Variants in SLIT2 observed in about 807,000 individuals in gnomAD.
The protein encoded by SLIT2 is slit guidance ligand 2, also known as slit homolog 2 protein.
Under a neutral mutation model 185.7 loss-of-function variants are expected in SLIT2, and 41 were observed. That is an observed-to-expected ratio of 0.22 (90% CI 0.17 to 0.29). The LOEUF is 0.29. Among genes scored for constraint, SLIT2 ranks in the 10% least tolerant of loss-of-function variants. SLIT2 has a pLI of 1.00. For synonymous variants in SLIT2, 693 were observed against 680.2 expected (o/e 1.02, Z -0.29); for missense variants, 1,571 against 1,909.0 (o/e 0.82, Z 3.30).
At chr4:20,504,499 A>T (rs1294735174) in intron 9 of SLIT2, among the ~76,000 whole-genome samples, 1 of 152,124 alleles carries the variant, frequency 6.6e-6, no homozygotes, top group African/African-American at 2.4e-5. Context: ...CAAATTACAG[A>T]TAGTGCTATA....
intron 32 of SLIT2, among the ~76,000 whole-genome samples, chr4:20,597,538 G>T (rs1728084138): frequency 6.6e-6 from 1 of 152,128 alleles, no homozygotes; most frequent in Admixed American, 6.5e-5. Context: ...TGTACATGGG[G>T]CAAATTATGT....
chr4:20,408,235 A>G (rs1156681284), intron 4 of SLIT2, among the ~76,000 whole-genome samples: 6 of 152,156 alleles, frequency 3.9e-5, no homozygotes, highest in Admixed American at 3.3e-4. Flanking sequence ...ATCTAGCTCC[A>G]AGGACTCATA....
intron 4 of SLIT2, chr4:20,394,433 A>T (rs570744560): frequency 6.6e-6 from 1 of 152,076 alleles, no homozygotes; most frequent in Admixed American, 6.6e-5. Flanking sequence ...CAGAATAATA[A>T]GATTTTACCC....
intron 25 of SLIT2, among the ~76,000 whole-genome samples, chr4:20,553,379 C>A (rs1723950751): frequency 6.6e-6 from 1 of 152,180 alleles, no homozygotes; most frequent in South Asian, 2.1e-4. Context: ...ATCTCCTCTG[C>A]AGCAGGGGTT....
At chr4:20,618,690 A>C in intron 36 of SLIT2, 78 bp from the exon 37 acceptor site, 1 of 1,420,550 alleles carries the variant, frequency 7.0e-7, no homozygotes, top group Non-Finnish European at 9.5e-7. Flanking sequence ...CTTCTGAATT[A>C]AGTTGTGGAT....
chr4:20,368,341 T>A (rs1335052603), intron 4 of SLIT2, among the ~76,000 whole-genome samples: 1 of 148,712 alleles, frequency 6.7e-6, no homozygotes, highest in African/African-American at 2.5e-5. Context: ...AATAATAAAA[T>A]TTAAAAAAAA....
At chr4:20,531,551 G>T (rs1453143137) in intron 16 of SLIT2, among the ~76,000 whole-genome samples, 2 of 152,138 alleles carry the variant, frequency 1.3e-5, no homozygotes, top group Non-Finnish European at 2.9e-5. Context: ...AGCAAAGATG[G>T]TTCCACAACT....
At chr4:20,574,964 A>C (rs1725967687) in intron 29 of SLIT2, among the ~76,000 whole-genome samples, 1 of 152,174 alleles carries the variant, frequency 6.6e-6, no homozygotes, top group South Asian at 2.1e-4. Flanking sequence ...AGAATGTAAC[A>C]GTATAACATG....
intron 7 of SLIT2, 83 bp from the exon 8 acceptor site, chr4:20,488,736 T>C: frequency 1.0e-6 from 1 of 971,160 alleles, no homozygotes; most frequent in Non-Finnish European, 1.5e-6. Flanking sequence ...TTTATCTACT[T>C]CTATGTTAAG....
chr4:20,518,260 T>A lies in SLIT2; in HGVS notation c.1059-1122T>A, dbSNP rs1366982585. ...GTGTGTATATATATATATATATTTT[T>A]TTTTTTTTTTGAGACAGAGTCTCGC... On this transcript the variant is annotated intron_variant, in intron 11 of 36. Coordinates refer to ENST00000504154, the MANE Select transcript of SLIT2 (RefSeq NM_004787.4). 7.3e-4 allele frequency among the ~76,000 whole-genome samples: 101 copies of A among 138,870 alleles called. 3 individuals carry two copies. The highest frequency in any genetic ancestry group is 2.3e-3 in the African/African-American group (85 of 36,634). The allele number at this position is 138,870 out of a possible 152,430, so 91.1% of individuals were successfully genotyped here.
chr4:20,417,512 ATG>A (rs1230271427), intron 4 of SLIT2, among the ~76,000 whole-genome samples: 2 of 148,224 alleles, frequency 1.3e-5, no homozygotes, highest in Non-Finnish European at 3.0e-5. Context: ...ATATATAGAT[ATG>A]TGTGTGTGTA....
chr4:20,457,199 T>C (rs1044013939), intron 4 of SLIT2, among the ~76,000 whole-genome samples: 1 of 152,044 alleles, frequency 6.6e-6, no homozygotes, highest in Non-Finnish European at 1.5e-5. Context: ...TAGGATACAA[T>C]GATGAATTTT....
At chr4:20,453,020 G>A (rs1577684696) in intron 4 of SLIT2, among the ~76,000 whole-genome samples, 1 of 152,206 alleles carries the variant, frequency 6.6e-6, no homozygotes, top group African/African-American at 2.4e-5. Flanking sequence ...TCATGAAAAT[G>A]TGACTTCAGT....
chr4:20,307,865 T>C (rs1398761254), intron 4 of SLIT2, among the ~76,000 whole-genome samples: 1 of 152,178 alleles, frequency 6.6e-6, no homozygotes, highest in Admixed American at 6.5e-5. Context: ...AACTGGGATT[T>C]GAGACCCACT....
chr4:20,476,706 G>T (rs1265321480), intron 5 of SLIT2, among the ~76,000 whole-genome samples: 1 of 152,040 alleles, frequency 6.6e-6, no homozygotes, highest in East Asian at 1.9e-4. Context: ...TGAAATTACT[G>T]CAGTTTTATA....
chr4:20,426,645 AAAG>A (rs74896897), intron 4 of SLIT2, among the ~76,000 whole-genome samples: 11,422 of 152,232 alleles, frequency 0.075, 574 homozygotes, highest in South Asian at 0.16. Context: ...AGGGACAGAA[AAAG>A]AAGGAGAACC....
chr4:20,470,484 CTGTGTGTG>C (rs540814034), intron 5 of SLIT2, among the ~76,000 whole-genome samples: 8,435 of 129,186 alleles, frequency 0.065, 313 homozygotes, highest in South Asian at 0.09. Context: ...GCAGTGGAGT[CTGTGTGTG>C]TGTGTGTGTG....
At chr4:20,510,402 C>T in intron 9 of SLIT2, 93 bp from the exon 10 acceptor site, 2 of 824,244 alleles carry the variant, frequency 2.4e-6, no homozygotes, top group Non-Finnish European at 4.1e-6. Flanking sequence ...TGAAGAACAT[C>T]AACTTTACTT....
chr4:20,537,316 G>A (rs540841059), intron 18 of SLIT2, among the ~76,000 whole-genome samples: 3 of 152,156 alleles, frequency 2.0e-5, no homozygotes, highest in African/African-American at 2.4e-5. Context: ...ATGACATCTC[G>A]AGGCAATAGG....
Sources: gnomAD v4.1 joint callset for allele counts (sites outside exome capture counted in the v4.1 genomes callset) on GRCh38, gnomAD v4.1.1 for gene constraint, MANE v1.5 for transcripts, NCBI Gene and HGNC (gene_info 2026-07-23, HGNC 2026-07-21) for gene names.